GPAM: variants seen among roughly 807,000 people sequenced by gnomAD.
GPAM encodes the protein glycerol-3-phosphate acyltransferase, mitochondrial.
A neutral mutation model predicts 105.0 loss-of-function variants in GPAM; 56 were observed. The observed-to-expected ratio is 0.53, with a 90% CI of 0.43 to 0.67. The LOEUF (loss-of-function observed/expected upper bound fraction) is 0.67. GPAM is among the 30% of genes least tolerant of loss of function. The pLI, the probability that GPAM is intolerant of heterozygous loss-of-function variation, is 0.00. For synonymous variants in GPAM, 368 were observed against 354.4 expected (o/e 1.04, Z -0.43); for missense variants, 855 against 989.8 (o/e 0.86, Z 1.83).
intron 4 of GPAM, among the ~76,000 whole-genome samples, 183 bp downstream of exon 4, chr10:112,180,290 C>A (rs1284140309): frequency 6.6e-6 from 1 of 152,116 alleles, no homozygotes; most frequent in Non-Finnish European, 1.5e-5. Flanking sequence ...ATTATGGGAC[C>A]AATATTTACT....
chr10:112,210,730 C>A (rs1044976171), intron 1 of GPAM, among the ~76,000 whole-genome samples: 2 of 152,172 alleles, frequency 1.3e-5, no homozygotes, highest in Admixed American at 6.5e-5. Flanking sequence ...ACTTAGCCTC[C>A]CCACCACCTC....
chr10:112,186,543 T>G (rs1847598477), upstream of GPAM, among the ~76,000 whole-genome samples: 2 of 152,102 alleles, frequency 1.3e-5, no homozygotes, highest in Admixed American at 1.3e-4. Flanking sequence ...TTTAATTTAT[T>G]TTATTTTATT....
chr10:112,210,639 G>A (rs1008028680), intron 1 of GPAM, among the ~76,000 whole-genome samples: 1 of 152,246 alleles, frequency 6.6e-6, no homozygotes, highest in East Asian at 1.9e-4. Context: ...GGAAAGGTGG[G>A]AGAGAATTGA....
intron 1 of GPAM, among the ~76,000 whole-genome samples, chr10:112,199,089 A>ATATGTGTGTGTGTG (rs1554848747): frequency 1.5e-5 from 2 of 134,894 alleles, no homozygotes; most frequent in South Asian, 5.3e-4. Flanking sequence ...CGCCTGGCTA[A>ATATGTGTGTGTGTG]TGTGTGTGTG....
At chr10:112,208,145 T>A (rs557457228) in intron 1 of GPAM, among the ~76,000 whole-genome samples, 2 of 152,048 alleles carry the variant, frequency 1.3e-5, no homozygotes, top group Non-Finnish European at 2.9e-5. Flanking sequence ...GAGCCAATGA[T>A]CCCAAGATGC....
At chr10:112,199,365 G>A (rs1403928769) in intron 1 of GPAM, among the ~76,000 whole-genome samples, 1 of 152,132 alleles carries the variant, frequency 6.6e-6, no homozygotes, top group Non-Finnish European at 1.5e-5. Flanking sequence ...AAGAAGCAGA[G>A]AGTAGAATGG....
Position 112,160,603 on chromosome 10 carries a change from C to A in GPAM, c.1759+1G>T. On this transcript the variant is annotated splice_donor_variant, in intron 16 of 21. Coordinates refer to ENST00000348367, the MANE Select transcript of GPAM (RefSeq NM_001244949.2). LOFTEE classifies it high-confidence loss of function. ...TGAAAATATTTCAAGGTCTGACATA[C>A]CTATGATGGCCTCCATGATAAAGAC... 6.2e-7 allele frequency: 1 copy of A among 1,611,656 alleles called. No individual in the cohort carries two copies. The highest frequency in any genetic ancestry group is 8.5e-7 in the Non-Finnish European group (1 of 1,177,818).
At chr10:112,221,911 A>C in the GPAM span, among the ~76,000 whole-genome samples, 3 of 152,244 alleles carry the variant, frequency 2.0e-5, no homozygotes, top group Non-Finnish European at 4.4e-5. Flanking sequence ...ATAAATAAGA[A>C]AACGAGACTC....
intron 17 of GPAM, 108 bp downstream of exon 17, chr10:112,159,803 G>T: frequency 1.8e-6 from 2 of 1,082,064 alleles, no homozygotes; most frequent in African/African-American, 1.5e-5. Context: ...GGAATATAAA[G>T]TATCAACAAT....
chr10:112,158,209 G>A lies in GPAM; in HGVS notation c.1980+107C>T, dbSNP rs1000212317. ...ACCTCCCAAAGTGCTGGGATTACAG[G>A]CACATGCCACCATGCCTGGCCAATT... is the stretch of plus-strand genomic sequence containing the variant. On this transcript the variant is annotated intron_variant, in intron 18 of 21. Transcript: ENST00000348367. 10 of 832,040 alleles carry A rather than the reference G, an allele frequency of 1.2e-5. No homozygotes were observed. The Admixed American group carries it at 1.2e-4, about 10-fold the overall frequency. The allele number at this position is 832,040 out of a possible 1,614,324, so 51.5% of individuals were successfully genotyped here.
rs1237716869 is a variant in GPAM at position 112,180,600 on chromosome 10, CAA to C, written c.103-7_103-6del. 6.2e-7 allele frequency: 1 copy of C among 1,606,246 alleles called. No homozygotes were observed. On this transcript the variant is annotated splice_polypyrimidine_tract_variant and splice_region_variant and intron_variant, in intron 3 of 21. Coordinates refer to ENST00000348367, the MANE Select transcript of GPAM (RefSeq NM_001244949.2). ...GGGTCTAAAGCCACACTCACCCTGA[CAA>C]ATATTAAGAAAAAAATATAGTTTCT...
upstream of GPAM, among the ~76,000 whole-genome samples, chr10:112,188,460 G>A (rs1488368858): frequency 3.3e-5 from 5 of 152,148 alleles, no homozygotes; most frequent in Non-Finnish European, 7.3e-5. Context: ...TTCATAAGGT[G>A]AGTCTGATTA....
intron 1 of GPAM, among the ~76,000 whole-genome samples, chr10:112,189,602 T>C (rs1389540452): frequency 6.6e-6 from 1 of 152,184 alleles, no homozygotes; most frequent in Admixed American, 6.5e-5. Context: ...TCTAAGCCAA[T>C]TATGATAATC....
chr10:112,166,527 T>G lies in GPAM; in HGVS notation c.1108-12A>C. ...TTCTTAGGTTTGCCCTAAATTCCAA[T>G]AGTGAGAATAACATGGTGAGAAATA... On this transcript the variant is annotated splice_polypyrimidine_tract_variant and intron_variant, in intron 11 of 21. Transcript: ENST00000348367. 2 of 1,387,246 alleles carry G rather than the reference T, an allele frequency of 1.4e-6. No individual in the cohort carries two copies. The highest frequency in any genetic ancestry group is 1.0e-6 in the Non-Finnish European group (1 of 972,848). The allele number at this position is 1,387,246 out of a possible 1,614,324, so 85.9% of individuals were successfully genotyped here.
the GPAM span, among the ~76,000 whole-genome samples, chr10:112,222,030 T>A: frequency 6.6e-6 from 1 of 152,200 alleles, no homozygotes; most frequent in African/African-American, 2.4e-5. Flanking sequence ...TGATATGATG[T>A]CTGGGGATTT....
chr10:112,178,579 A>G (rs1009594130), intron 4 of GPAM, among the ~76,000 whole-genome samples: 4 of 151,872 alleles, frequency 2.6e-5, no homozygotes, highest in African/African-American at 9.7e-5. Context: ...CAAAAAACAA[A>G]CAAACAAACA....
Position 112,173,050 on chromosome 10 carries a change from GCACC to G in GPAM, c.573_576del (p.Trp191CysfsTer3), listed in dbSNP as rs1847339810. On this transcript the variant is annotated frameshift_variant, in exon 8 of 22. Coordinates refer to ENST00000348367, the MANE Select transcript of GPAM (RefSeq NM_001244949.2). LOFTEE classifies it high-confidence loss of function. ...AAGAAGCTGTTGAACAGTTTTAGCA[GCACC>G]CACCCAGTCAGTCTGAAACAAAGTA... is the stretch of plus-strand genomic sequence containing the variant. The G allele has an allele frequency of 1.3e-6, 2 of 1,598,840 alleles. No homozygotes were observed. The highest frequency in any genetic ancestry group is 1.7e-6 in the Non-Finnish European group (2 of 1,166,356).
At chr10:112,159,216 CTTTTTTTTTTT>C (rs35513817) in intron 17 of GPAM, among the ~76,000 whole-genome samples, 1 of 86,984 alleles carries the variant, frequency 1.1e-5, no homozygotes, top group Non-Finnish European at 2.2e-5. Context: ...AGATGATTTT[CTTTTTTTTTTT>C]TTTTTTTTTT....
intron 1 of GPAM, among the ~76,000 whole-genome samples, chr10:112,194,740 C>A (rs1177025585): frequency 6.6e-6 from 1 of 152,128 alleles, no homozygotes; most frequent in Non-Finnish European, 1.5e-5. Context: ...AAGAGCCAGG[C>A]AGTCTCTCCG....
Sources: allele counts gnomAD v4.1 joint callset (sites outside exome capture counted in the v4.1 genomes callset), GRCh38; gene constraint gnomAD v4.1.1; transcripts MANE v1.5; gene names NCBI Gene and HGNC (gene_info 2026-07-23, HGNC 2026-07-21).